Variants in MORC1 observed in about 807,000 individuals in gnomAD.
The protein encoded by MORC1 is MORC family CW-type zinc finger 1.
In MORC1, 59 loss-of-function variants were observed where a neutral mutation model predicts 134.9. The observed-to-expected ratio is 0.44, with a 90% CI of 0.35 to 0.54. The LOEUF (loss-of-function observed/expected upper bound fraction) is 0.54. Among genes scored for constraint, MORC1 ranks in the 20% least tolerant of loss-of-function variants. The pLI, the probability that MORC1 is intolerant of heterozygous loss-of-function variation, is 0.00. For missense variants in MORC1, 947 were observed against 1,134.5 expected (o/e 0.83, Z 2.37); for synonymous variants, 395 against 391.7 (o/e 1.01, Z -0.10).
chr3:109,068,774 A>G (rs1950253312), intron 9 of MORC1, among the ~76,000 whole-genome samples: 1 of 152,248 alleles, frequency 6.6e-6, no homozygotes, highest in South Asian at 2.1e-4. Context: ...GACTACCCAG[A>G]AACCACATCA....
chr3:109,057,099 T>A (rs1949978952), intron 13 of MORC1, among the ~76,000 whole-genome samples: 1 of 152,164 alleles, frequency 6.6e-6, no homozygotes, highest in African/African-American at 2.4e-5. Context: ...TGGCCCCACA[T>A]CAAGTTGTTC....
intron 20 of MORC1, among the ~76,000 whole-genome samples, chr3:109,002,821 C>T (rs1407497452): frequency 6.6e-6 from 1 of 152,152 alleles, no homozygotes; most frequent in South Asian, 2.1e-4. Flanking sequence ...AATGCAAAAC[C>T]CCTTATGACT....
chr3:108,983,877 A>G (rs1259180004), intron 23 of MORC1, among the ~76,000 whole-genome samples: 1 of 152,198 alleles, frequency 6.6e-6, no homozygotes, highest in Non-Finnish European at 1.5e-5. Context: ...GAGAAGATGT[A>G]ATAAAAGAGA....
intron 23 of MORC1, among the ~76,000 whole-genome samples, chr3:108,980,360 A>G (rs1415445699): frequency 2.0e-5 from 3 of 152,088 alleles, no homozygotes; most frequent in Non-Finnish European, 4.4e-5. Context: ...TCCCACCTAG[A>G]GAGTTTTCAG....
At chr3:108,980,428 G>T (rs1046445796) in intron 23 of MORC1, among the ~76,000 whole-genome samples, 2 of 152,126 alleles carry the variant, frequency 1.3e-5, no homozygotes, top group Non-Finnish European at 2.9e-5. Flanking sequence ...CAGTAGATAA[G>T]GCACCAAGCT....
intron 17 of MORC1, among the ~76,000 whole-genome samples, chr3:109,024,127 A>G (rs1187167946): frequency 6.6e-6 from 1 of 152,142 alleles, no homozygotes; most frequent in Non-Finnish European, 1.5e-5. Flanking sequence ...GAACTTAGGT[A>G]TTTCCCTTAA....
intron 24 of MORC1, among the ~76,000 whole-genome samples, chr3:108,973,648 G>T: frequency 7.5e-6 from 1 of 133,132 alleles, no homozygotes; most frequent in South Asian, 2.6e-4. Context: ...AGGCTGGAAT[G>T]CAGTGGTGCG....
chr3:108,978,705 G>A (rs1947630106), intron 24 of MORC1, among the ~76,000 whole-genome samples: 1 of 152,158 alleles, frequency 6.6e-6, no homozygotes, highest in Non-Finnish European at 1.5e-5. Flanking sequence ...CTCATCTTCA[G>A]GAAGATCATG....
intron 1 of MORC1, among the ~76,000 whole-genome samples, chr3:109,115,354 CACACAG>C (rs61422813): frequency 0.014 from 1,523 of 107,000 alleles, 16 homozygotes; most frequent in African/African-American, 0.033. Flanking sequence ...CACACACACA[CACACAG>C]AGAGAGAGAA....
intron 21 of MORC1, among the ~76,000 whole-genome samples, chr3:108,997,828 A>G (rs1948278720): frequency 6.6e-6 from 1 of 152,188 alleles, no homozygotes; most frequent in African/African-American, 2.4e-5. Context: ...TGCCTGAAAC[A>G]TGGAACAGAG....
At chr3:109,106,510 TGTTA>T (rs988505190) in intron 3 of MORC1, among the ~76,000 whole-genome samples, 1 of 152,202 alleles carries the variant, frequency 6.6e-6, no homozygotes, top group African/African-American at 2.4e-5. Context: ...TTTTATCACT[TGTTA>T]ATTACGCGTG....
chr3:109,098,879 TAATAATAAA>T (rs1950875436), intron 6 of MORC1, among the ~76,000 whole-genome samples: 1 of 152,188 alleles, frequency 6.6e-6, no homozygotes, highest in South Asian at 2.1e-4. Context: ...CTGACAGCCA[TAATAATAAA>T]ACTCAGGCAC....
chr3:108,972,327 A>AT (rs1316401445), intron 24 of MORC1, among the ~76,000 whole-genome samples: 9 of 152,328 alleles, frequency 5.9e-5, no homozygotes, highest in African/African-American at 2.2e-4. Context: ...CCTCATGTAT[A>AT]TTATCTAAGG....
intron 17 of MORC1, among the ~76,000 whole-genome samples, chr3:109,022,252 T>C (rs924140222): frequency 3.3e-5 from 5 of 152,198 alleles, no homozygotes; most frequent in African/African-American, 1.2e-4. Flanking sequence ...TATAGAGATT[T>C]GAAACCTCAG....
chr3:109,098,605 G>A (rs1950870255), intron 6 of MORC1, among the ~76,000 whole-genome samples: 1 of 152,068 alleles, frequency 6.6e-6, no homozygotes, highest in African/African-American at 2.4e-5. Flanking sequence ...ACCCTCATTG[G>A]GCACTCGAGG....
chr3:109,053,269 G>T (rs1949872399), intron 14 of MORC1, among the ~76,000 whole-genome samples: 5 of 152,042 alleles, frequency 3.3e-5, no homozygotes, highest in Admixed American at 2.0e-4. Context: ...CCTATTACTG[G>T]GTATATACTC....
intron 26 of MORC1, among the ~76,000 whole-genome samples, chr3:108,967,520 A>T (rs1947257215): frequency 6.6e-6 from 1 of 152,196 alleles, no homozygotes; most frequent in Non-Finnish European, 1.5e-5. Context: ...CATACCCCAC[A>T]GAAATATATT....
At chr3:109,068,406 G>A (rs1409361794) in intron 9 of MORC1, among the ~76,000 whole-genome samples, 1 of 152,066 alleles carries the variant, frequency 6.6e-6, no homozygotes, top group Non-Finnish European at 1.5e-5. Flanking sequence ...TCATTCTTAT[G>A]CCTTTGCATT....
intron 17 of MORC1, among the ~76,000 whole-genome samples, chr3:109,009,298 T>C (rs1948627550): frequency 6.7e-6 from 1 of 148,362 alleles, no homozygotes; most frequent in African/African-American, 2.5e-5. Flanking sequence ...CTCCACCTCC[T>C]GGGTTCGAGT....
Sources: allele counts gnomAD v4.1 joint callset (sites outside exome capture counted in the v4.1 genomes callset), GRCh38; gene constraint gnomAD v4.1.1; transcripts MANE v1.5; gene names NCBI Gene and HGNC (gene_info 2026-07-23, HGNC 2026-07-21).